Variants in ATP11C observed in about 807,000 individuals in gnomAD.
The protein encoded by ATP11C is phospholipid-transporting ATPase IG.
In ATP11C, 36 loss-of-function variants were observed where a neutral mutation model predicts 97.4. The observed-to-expected ratio is 0.37, with a 90% CI of 0.28 to 0.49. The LOEUF (loss-of-function observed/expected upper bound fraction) is 0.49, where lower values mean the gene tolerates loss of function less well. ATP11C is among the 20% of genes least tolerant of loss of function. The probability of loss-of-function intolerance (pLI) is 0.98; values close to 1 mark genes in which losing one functional copy is unlikely to be tolerated. For synonymous variants in ATP11C, 275 were observed against 290.9 expected, an observed-to-expected ratio of 0.95 and a Z score of 0.56; for missense variants, 730 against 824.6, an observed-to-expected ratio of 0.89 and a Z score of 1.40.
chrX:139,744,495 T>C (rs1313946282), intron 25 of ATP11C, among the ~76,000 whole-genome samples: 2 of 112,016 alleles, frequency 1.8e-5, no homozygotes, highest in Non-Finnish European at 1.9e-5. Flanking sequence ...GCTGAGCAAA[T>C]GAATCACATC....
At chrX:139,924,934 T>C (rs752041076) in intron 1 of ATP11C, among the ~76,000 whole-genome samples, 28 of 111,779 alleles carry the variant, frequency 2.5e-4, no homozygotes, top group Non-Finnish European at 3.9e-4. Flanking sequence ...AGCGTTTCTA[T>C]GTACTGAGTT....
rs534446081 is a variant in ATP11C, at chrX:139,856,860, T to C, written c.28-30037A>G. Among the ~76,000 whole-genome samples, 397 of 111,669 alleles carry C rather than the reference T, an allele frequency of 3.6e-3. 3 individuals are homozygous for C. Among genetic ancestry groups the C allele is most frequent in the African/African-American group, 0.012 (359 of 30,740 alleles). ...CTACTAGCCAGATGGCTTGGGAAAA[T>C]AGGACAGCCTTAGACATGATATTAG... On this transcript the variant is annotated intron_variant, in intron 1 of 29. Coordinates refer to ENST00000682941, the MANE Select transcript of ATP11C (RefSeq NM_001353812.2).
intron 1 of ATP11C, among the ~76,000 whole-genome samples, chrX:139,854,497 A>G (rs1043803211): frequency 9.8e-5 from 11 of 111,717 alleles, no homozygotes; most frequent in South Asian, 7.5e-4. Flanking sequence ...AGAATGTTAT[A>G]TGGTAAATTC....
chrX:139,846,592 CT>C (rs1338470704), intron 1 of ATP11C, among the ~76,000 whole-genome samples: 1 of 111,487 alleles, frequency 9.0e-6, no homozygotes, highest in African/African-American at 3.3e-5. Flanking sequence ...GATTTGGGCT[CT>C]AATGGTGACC....
At chrX:139,819,513 T>C in intron 2 of ATP11C, 86 bp from the exon 3 acceptor site, 1 of 363,943 alleles carries the variant, frequency 2.7e-6, no homozygotes. Context: ...GTCCACATTA[T>C]CATATAAAGT....
chrX:139,842,809 G>C (rs2083855220), intron 1 of ATP11C, among the ~76,000 whole-genome samples: 1 of 112,000 alleles, frequency 8.9e-6, no homozygotes, highest in Non-Finnish European at 1.9e-5. Context: ...TCCAAAGCTA[G>C]AGTCTGCATA....
chrX:139,775,053 C>T, intron 18 of ATP11C, 100 bp from the exon 19 acceptor site: 8 of 882,234 alleles, frequency 9.1e-6, no homozygotes, highest in Non-Finnish European at 1.2e-5. Flanking sequence ...CACAGCAATT[C>T]TAGAGTCCTG....
At chrX:139,829,758 A>G (rs763355937) in intron 1 of ATP11C, among the ~76,000 whole-genome samples, 9 of 111,836 alleles carry the variant, frequency 8.0e-5, no homozygotes, top group Non-Finnish European at 1.3e-4. Context: ...TATATGAATT[A>G]ACAGAGAAAG....
intron 1 of ATP11C, among the ~76,000 whole-genome samples, chrX:139,930,364 A>C (rs1347539443): frequency 1.1e-5 from 1 of 95,155 alleles, no homozygotes; most frequent in African/African-American, 4.0e-5. Flanking sequence ...TCAAATCCTT[A>C]AAAAAAAAAA....
At chrX:139,849,738 T>A (rs2083960584) in intron 1 of ATP11C, among the ~76,000 whole-genome samples, 1 of 112,551 alleles carries the variant, frequency 8.9e-6, no homozygotes, top group East Asian at 2.8e-4. Flanking sequence ...AAACTCATGT[T>A]AAAATTTAAA....
intron 1 of ATP11C, among the ~76,000 whole-genome samples, chrX:139,874,012 T>C (rs2084422372): frequency 9.3e-6 from 1 of 107,772 alleles, no homozygotes; most frequent in Non-Finnish European, 1.9e-5. Context: ...TGCACCTCAG[T>C]TTCCTTATTT....
intron 1 of ATP11C, among the ~76,000 whole-genome samples, chrX:139,921,818 A>C (rs1404280280): frequency 9.0e-6 from 1 of 111,335 alleles, no homozygotes; most frequent in Admixed American, 9.6e-5. Flanking sequence ...AAGCAGGGTA[A>C]CTAAGTAAGC....
rs371406757 is a variant in ATP11C at position 139,909,538 on chromosome X, T to TACAC, written c.27+22474_27+22477dup. On this transcript the variant is annotated intron_variant, in intron 1 of 29. Coordinates refer to ENST00000682941, the MANE Select transcript of ATP11C (RefSeq NM_001353812.2). ...ATAAAACTGCATAGAACTAAACACA[T>TACAC]ACACACACACACACACACCCCATGC... 3.1e-4 allele frequency among the ~76,000 whole-genome samples: 33 copies of TACAC among 107,910 alleles called. No homozygotes were observed. The South Asian group carries it at 4.7e-3, about 15-fold the overall frequency. The allele number at this position is 107,910 out of a possible 115,157, so 93.7% of individuals were successfully genotyped here.
In ATP11C at chrX:139,798,476, T is replaced by G. The variant is rs140580237; in HGVS notation, c.776-122A>C. 689 of 521,631 alleles carry G rather than the reference T, an allele frequency of 1.3e-3. 2 individuals are homozygous for G. In the African/African-American group the frequency reaches 0.015, roughly 11 times the overall value. The allele number at this position is 521,631 out of a possible 1,213,427, so 43.0% of individuals were successfully genotyped here. On this transcript the variant is annotated intron_variant, in intron 9 of 29. Transcript: ENST00000682941. ...TCTAGGCCCTCTTCCACTCACCAGTTGTATATCATTTATAGGATAATTTTA... is the reference window on the plus strand; with the variant it reads ...TCTAGGCCCTCTTCCACTCACCAGTGGTATATCATTTATAGGATAATTTTA...
At chrX:139,867,808 A>C (rs1215526600) in intron 1 of ATP11C, among the ~76,000 whole-genome samples, 1 of 112,139 alleles carries the variant, frequency 8.9e-6, no homozygotes, top group East Asian at 2.8e-4. Context: ...GAAGAAAAAC[A>C]TATGAGGAAA....
chrX:139,772,328 G>T lies in ATP11C; in HGVS notation c.2216+2362C>A, dbSNP rs970611576. On this transcript the variant is annotated intron_variant, in intron 19 of 29. Transcript: ENST00000682941. ...TGTCCAGGCAAAAGTTTGCTGCAGG[G>T]ATGGGGCCCTCATGGAGAACCTCTG... 3.0e-4 allele frequency among the ~76,000 whole-genome samples: 34 copies of T among 112,348 alleles called. 1 individual carries two copies. The highest frequency in any genetic ancestry group is 1.0e-3 in the African/African-American group (32 of 30,913).
At chrX:139,885,509 A>G (rs1406698951) in intron 1 of ATP11C, 1 of 111,996 alleles carries the variant, frequency 8.9e-6, no homozygotes, top group Non-Finnish European at 1.9e-5. Context: ...GGGAGTTAGC[A>G]CTTCCCTTAG....
intron 12 of ATP11C, among the ~76,000 whole-genome samples, chrX:139,795,393 T>G (rs965520810): frequency 3.6e-5 from 4 of 111,464 alleles, no homozygotes; most frequent in Non-Finnish European, 7.5e-5. Flanking sequence ...GTAAGAGTTT[T>G]GAGGTGTGAA....
At chrX:139,820,192 C>CAA (rs34792545) in intron 2 of ATP11C, among the ~76,000 whole-genome samples, 142 of 90,626 alleles carry the variant, frequency 1.6e-3, no homozygotes, top group Admixed American at 0.012. Context: ...ACTCCGTCGC[C>CAA]AAAAAAAAAA....
Sources: allele counts gnomAD v4.1 joint callset (sites outside exome capture counted in the v4.1 genomes callset), GRCh38; gene constraint gnomAD v4.1.1; transcripts MANE v1.5; gene names NCBI Gene and HGNC (gene_info 2026-07-23, HGNC 2026-07-21).